Variants in SLC24A2 observed in about 807,000 individuals in gnomAD.
SLC24A2 encodes sodium/potassium/calcium exchanger 2.
Under a neutral mutation model 62.0 loss-of-function variants are expected in SLC24A2, and 36 were observed. The observed-to-expected ratio is 0.58, with a 90% CI of 0.44 to 0.77. SLC24A2 has a LOEUF of 0.77. Among genes scored for constraint, SLC24A2 ranks in the 30% least tolerant of loss-of-function variants. The probability of loss-of-function intolerance (pLI) is 0.00; values close to 1 mark genes in which losing one functional copy is unlikely to be tolerated. For missense variants in SLC24A2, 846 were observed against 817.9 expected (o/e 1.03, Z -0.42); for synonymous variants, 358 against 294.0 (o/e 1.22, Z -2.23).
chr9:20,256,382 A>G, the SLC24A2 span, among the ~76,000 whole-genome samples: 1 of 152,206 alleles, frequency 6.6e-6, no homozygotes, highest in East Asian at 1.9e-4. Context: ...TCTTCTGGGA[A>G]TACTCAAGAA....
the SLC24A2 span, among the ~76,000 whole-genome samples, chr9:19,879,517 A>C: frequency 6.6e-6 from 1 of 152,196 alleles, no homozygotes; most frequent in African/African-American, 2.4e-5. Flanking sequence ...TGTTATAAAG[A>C]CTTGAATGTT....
chr9:20,146,605 C>T, the SLC24A2 span, among the ~76,000 whole-genome samples: 36 of 152,140 alleles, frequency 2.4e-4, no homozygotes, highest in African/African-American at 8.7e-4. Flanking sequence ...TGTAAATCCT[C>T]CCTGAGATAT....
At chr9:20,044,473 T>C in the SLC24A2 span, among the ~76,000 whole-genome samples, 7 of 151,978 alleles carry the variant, frequency 4.6e-5, no homozygotes, top group African/African-American at 1.7e-4. Flanking sequence ...TCACTTAACA[T>C]TGGGAGGCAG....
At chr9:19,737,788 A>C (rs984571352) in intron 2 of SLC24A2, among the ~76,000 whole-genome samples, 1 of 152,080 alleles carries the variant, frequency 6.6e-6, no homozygotes, top group Non-Finnish European at 1.5e-5. Context: ...TATGACATTT[A>C]AAATTTGGTT....
chr9:19,976,772 T>C, the SLC24A2 span, among the ~76,000 whole-genome samples: 2 of 152,328 alleles, frequency 1.3e-5, no homozygotes, highest in South Asian at 4.1e-4. Flanking sequence ...AAATTCCCTG[T>C]GGATATCAAG....
At chr9:20,246,001 C>T in the SLC24A2 span, among the ~76,000 whole-genome samples, 1 of 152,090 alleles carries the variant, frequency 6.6e-6, no homozygotes, top group Admixed American at 6.6e-5. Flanking sequence ...ACAGGCTGTC[C>T]AACGTCCCCA....
chr9:19,933,466 C>CCATT, the SLC24A2 span, among the ~76,000 whole-genome samples: 1,938 of 152,078 alleles, frequency 0.013, 21 homozygotes, highest in East Asian at 0.031. Context: ...ATTCTTAGTT[C>CCATT]CATTCATTCA....
chr9:20,225,582 T>TATATATATATATAATATATATTATATA, the SLC24A2 span, among the ~76,000 whole-genome samples: 1 of 117,690 alleles, frequency 8.5e-6, no homozygotes, highest in African/African-American at 5.5e-5. Flanking sequence ...ATAATTTCAT[T>TATATATATATATAATATATATTATATA]TAAAGAAAGC....
the SLC24A2 span, among the ~76,000 whole-genome samples, chr9:20,108,797 A>G: frequency 6.6e-6 from 1 of 152,188 alleles, no homozygotes; most frequent in Non-Finnish European, 1.5e-5. Flanking sequence ...AAGTATACAT[A>G]TGTAACTAAC....
chr9:19,962,638 G>A, the SLC24A2 span, among the ~76,000 whole-genome samples: 5 of 152,304 alleles, frequency 3.3e-5, no homozygotes, highest in East Asian at 7.7e-4. Context: ...GTGAATGGGA[G>A]TTCACTCATG....
the SLC24A2 span, among the ~76,000 whole-genome samples, chr9:20,223,956 T>C: frequency 0.14 from 20,918 of 151,982 alleles, 1,689 homozygotes; most frequent in African/African-American, 0.22. Flanking sequence ...GCAAGTACCT[T>C]CTTCACGTGG....
intron 4 of SLC24A2, among the ~76,000 whole-genome samples, chr9:19,607,030 T>A (rs149427955): frequency 7.9e-6 from 1 of 126,924 alleles, no homozygotes; most frequent in African/African-American, 3.2e-5. Context: ...CATCACAGAA[T>A]GCAAGTCATT....
intron 2 of SLC24A2, among the ~76,000 whole-genome samples, chr9:19,671,829 T>C (rs1452186747): frequency 8.3e-6 from 1 of 120,270 alleles, no homozygotes; most frequent in Non-Finnish European, 1.7e-5. Context: ...ATTTTTGTTT[T>C]TAACTCTGTT....
the SLC24A2 span, among the ~76,000 whole-genome samples, chr9:20,072,528 T>C: frequency 6.6e-6 from 1 of 152,198 alleles, no homozygotes. Context: ...ATCTATATAA[T>C]ATATTGTGAT....
At chr9:20,128,722 T>C in the SLC24A2 span, among the ~76,000 whole-genome samples, 1 of 152,206 alleles carries the variant, frequency 6.6e-6, no homozygotes, top group East Asian at 1.9e-4. Flanking sequence ...GAATAATCTC[T>C]TCAATAAATG....
chr9:19,847,955 C>T, the SLC24A2 span, among the ~76,000 whole-genome samples: 2 of 152,144 alleles, frequency 1.3e-5, no homozygotes, highest in Non-Finnish European at 2.9e-5. Context: ...AGAGGTTCAT[C>T]CCAGCTTTGA....
the SLC24A2 span, among the ~76,000 whole-genome samples, chr9:20,258,288 G>A: frequency 6.6e-6 from 1 of 152,364 alleles, no homozygotes; most frequent in Middle Eastern, 3.4e-3. Flanking sequence ...CAATGCTTCA[G>A]TAAGCACTGA....
At chr9:19,660,792 T>C (rs997175902) in intron 2 of SLC24A2, among the ~76,000 whole-genome samples, 3 of 152,216 alleles carry the variant, frequency 2.0e-5, no homozygotes, top group Non-Finnish European at 4.4e-5. Context: ...TTTCAAACCT[T>C]GGACACTGGG....
chr9:19,809,949 T>C, the SLC24A2 span, among the ~76,000 whole-genome samples: 4 of 152,168 alleles, frequency 2.6e-5, no homozygotes, highest in Admixed American at 1.3e-4. Context: ...TAAATTTTCC[T>C]GGTGCCAGAC....
Sources: gnomAD v4.1 joint callset for allele counts (sites outside exome capture counted in the v4.1 genomes callset) on GRCh38, gnomAD v4.1.1 for gene constraint, MANE v1.5 for transcripts, NCBI Gene and HGNC (gene_info 2026-07-23, HGNC 2026-07-21) for gene names.